The following LRGUK variants were observed in gnomAD, a reference collection of about 807,000 sequenced individuals.
The protein encoded by LRGUK is leucine rich repeats and guanylate kinase domain containing, also known as leucine-rich repeat and guanylate kinase domain-containing protein.
Under a neutral mutation model 76.0 loss-of-function variants are expected in LRGUK, and 65 were observed. The ratio of observed to expected loss-of-function variants is 0.85; its 90% CI spans 0.70 to 1.05. The LOEUF is 1.05. LRGUK is among the 50% of genes least tolerant of loss of function. The pLI is 0.00. For synonymous variants in LRGUK, 268 were observed against 265.6 expected (o/e 1.01, Z -0.09); for missense variants, 758 against 732.8 (o/e 1.03, Z -0.40).
intron 19 of LRGUK, among the ~76,000 whole-genome samples, chr7:134,262,331 GC>G (rs1183142567): frequency 2.0e-5 from 3 of 152,170 alleles, no homozygotes; most frequent in African/African-American, 7.2e-5. Context: ...CCAAGATTGT[GC>G]CACTGCACTC....
chr7:134,155,187 G>A (rs1798403700), intron 5 of LRGUK, among the ~76,000 whole-genome samples: 1 of 152,108 alleles, frequency 6.6e-6, no homozygotes, highest in Non-Finnish European at 1.5e-5. Context: ...AAGATTGCCT[G>A]CTCCAAGGGT....
At chr7:134,129,053 TTTTCTTTCTTTCTC>T (rs1430238591) in intron 1 of LRGUK, among the ~76,000 whole-genome samples, 1 of 149,762 alleles carries the variant, frequency 6.7e-6, no homozygotes, top group African/African-American at 2.5e-5. Context: ...TTCTTTTCTT[TTTTCTTTCTTTCTC>T]TTTCTTTCTT....
intron 11 of LRGUK, among the ~76,000 whole-genome samples, chr7:134,186,006 A>C (rs1048184213): frequency 2.0e-5 from 3 of 152,228 alleles, no homozygotes; most frequent in Non-Finnish European, 4.4e-5. Context: ...AACGCAATGA[A>C]TGGAAGGACA....
chr7:134,249,014 GA>G lies in LRGUK; in HGVS notation c.2140del (p.Ser714ValfsTer28). The G allele has an allele frequency of 1.2e-6, 2 of 1,603,878 alleles. No homozygotes were observed. The highest frequency in any genetic ancestry group is 1.1e-5 in the South Asian group (1 of 89,034). ...ATTATACAACTTTAGAAGAACTCTG[GA>G]AAAGTTTTGATCTTTGTGAAGACTA... On this transcript the variant is annotated frameshift_variant, in exon 18 of 20. Coordinates refer to the LRGUK transcript ENST00000285928. LOFTEE classifies it high-confidence loss of function.
At chr7:134,228,160 C>A (rs113315199) in intron 16 of LRGUK, among the ~76,000 whole-genome samples, 3,915 of 152,152 alleles carry the variant, frequency 0.026, 144 homozygotes, top group African/African-American at 0.078. Flanking sequence ...AGGTTGACAG[C>A]GACTTTCCAA....
chr7:134,221,701 A>C (rs2117154167), intron 15 of LRGUK, 78 bp from the exon 16 acceptor site: 1 of 1,197,748 alleles, frequency 8.3e-7, no homozygotes, highest in South Asian at 2.3e-5. Flanking sequence ...TGGGCAAATA[A>C]AAATATAAAA....
chr7:134,184,369 A>C (rs904448290), intron 11 of LRGUK, among the ~76,000 whole-genome samples: 2 of 151,252 alleles, frequency 1.3e-5, no homozygotes, highest in African/African-American at 4.9e-5. Context: ...TCTCGGGTTC[A>C]TACCATTCTC....
intron 15 of LRGUK, among the ~76,000 whole-genome samples, chr7:134,220,800 G>A (rs1026860084): frequency 6.6e-6 from 1 of 151,846 alleles, no homozygotes; most frequent in African/African-American, 2.4e-5. Flanking sequence ...AAACTCCTGG[G>A]CTCAAGTGTT....
chr7:134,240,161 C>T (rs1038933806), intron 16 of LRGUK, among the ~76,000 whole-genome samples: 12 of 152,200 alleles, frequency 7.9e-5, no homozygotes, highest in African/African-American at 2.2e-4. Flanking sequence ...TCCAAAGGAA[C>T]GCAGCTCCTT....
chr7:134,157,684 G>T (rs1330562198), intron 5 of LRGUK, among the ~76,000 whole-genome samples: 1 of 152,044 alleles, frequency 6.6e-6, no homozygotes, highest in Non-Finnish European at 1.5e-5. Context: ...CACCACGCCC[G>T]GCTAATTTTT....
At chr7:134,178,365 A>G in intron 9 of LRGUK, 138 bp from the exon 10 acceptor site, 1 of 513,592 alleles carries the variant, frequency 1.9e-6, no homozygotes, top group Non-Finnish European at 3.4e-6. Flanking sequence ...CTGAATACTA[A>G]TGTTAATGGG....
At chr7:134,163,535 A>G in exon 7 of LRGUK, 2 of 1,610,806 alleles carry the variant, frequency 1.2e-6, no homozygotes, top group Non-Finnish European at 8.5e-7. Flanking sequence ...CCTGGAGGAT[A>G]ATAAGGTAGT....
rs138185623 is a variant in LRGUK, at chr7:134,227,628, A to T, written c.1983+5710A>T. 5.1e-3 allele frequency among the ~76,000 whole-genome samples: 775 copies of T among 152,326 alleles called. 6 individuals carry two copies. Among genetic ancestry groups the T allele is most frequent in the Middle Eastern group, 0.031 (9 of 294 alleles). On this transcript the variant is annotated intron_variant, in intron 16 of 19. Transcript: ENST00000285928. ...TTTGAAGCCTCCAAGCATTGATGTTATCAAAGCAAGACTTTAATGTGACTG... is the reference window on the plus strand; with the variant it reads ...TTTGAAGCCTCCAAGCATTGATGTTTTCAAAGCAAGACTTTAATGTGACTG...
intron 16 of LRGUK, among the ~76,000 whole-genome samples, chr7:134,227,754 A>G (rs1039039076): frequency 1.3e-5 from 2 of 152,214 alleles, no homozygotes; most frequent in Admixed American, 6.5e-5. Context: ...GGGGGGAAAC[A>G]GTAACTGAAA....
intron 16 of LRGUK, among the ~76,000 whole-genome samples, chr7:134,240,710 A>G (rs1459579363): frequency 6.6e-6 from 1 of 152,200 alleles, no homozygotes; most frequent in African/African-American, 2.4e-5. Flanking sequence ...GAATGCCACA[A>G]AGATACTCCT....
At chr7:134,176,749 G>A (rs878874383) in intron 8 of LRGUK, among the ~76,000 whole-genome samples, 7 of 152,144 alleles carry the variant, frequency 4.6e-5, no homozygotes, top group Admixed American at 4.6e-4. Context: ...ATCTCACAGG[G>A]AGATTAACAA....
At chr7:134,128,758 T>C (rs112730643) in intron 1 of LRGUK, among the ~76,000 whole-genome samples, 7,121 of 152,184 alleles carry the variant, frequency 0.047, 551 homozygotes, top group African/African-American at 0.16. Flanking sequence ...ACCGTGTTAG[T>C]CAGGATGGTC....
chr7:134,260,150 A>C (rs2598276), intron 19 of LRGUK, among the ~76,000 whole-genome samples: 11,393 of 152,126 alleles, frequency 0.075, 1,039 homozygotes, highest in African/African-American at 0.21. Context: ...ATAATAACAT[A>C]ATATCTGTCG....
At chr7:134,228,130 C>CA (rs562816234) in intron 16 of LRGUK, among the ~76,000 whole-genome samples, 47 of 152,002 alleles carry the variant, frequency 3.1e-4, no homozygotes, top group Admixed American at 2.1e-3. Context: ...AAATTACTTT[C>CA]AAAAAAAGTA....
Sources: allele counts gnomAD v4.1 joint callset (sites outside exome capture counted in the v4.1 genomes callset), GRCh38; gene constraint gnomAD v4.1.1; transcripts MANE v1.5; gene names NCBI Gene and HGNC (gene_info 2026-07-23, HGNC 2026-07-21).